Variants in KHDRBS2 observed in about 807,000 individuals in gnomAD.
KHDRBS2 encodes KH domain-containing, RNA-binding, signal transduction-associated protein 2.
KHDRBS2 carries 26 observed loss-of-function variants against 44.3 expected under a neutral mutation model. The observed-to-expected ratio is 0.59, with a 90% CI of 0.43 to 0.81. The LOEUF (loss-of-function observed/expected upper bound fraction) is 0.81, where lower values mean the gene tolerates loss of function less well. KHDRBS2 is among the 40% of genes least tolerant of loss of function. The pLI is 0.00. For missense variants in KHDRBS2, 476 were observed against 433.1 expected (o/e 1.10, Z -0.88); for synonymous variants, 194 against 151.1 (o/e 1.28, Z -2.08).
At chr6:62,061,216 A>C (rs1356646617) in intron 2 of KHDRBS2, among the ~76,000 whole-genome samples, 2 of 151,298 alleles carry the variant, frequency 1.3e-5, no homozygotes, top group African/African-American at 2.4e-5. Context: ...TCCTGTCATT[A>C]TGATGTTAGC....
At chr6:61,765,651 G>T (rs1938397) in intron 6 of KHDRBS2, among the ~76,000 whole-genome samples, 3 of 151,664 alleles carry the variant, frequency 2.0e-5, no homozygotes, top group African/African-American at 7.3e-5. Context: ...ATCATGTTGA[G>T]GTATGTTCCT....
At chr6:61,628,724 A>G in the KHDRBS2 span, among the ~76,000 whole-genome samples, 2 of 152,130 alleles carry the variant, frequency 1.3e-5, no homozygotes, top group Non-Finnish European at 2.9e-5. Context: ...TGTAGCACTT[A>G]TTGTATGCAT....
chr6:61,624,068 G>A, the KHDRBS2 span, among the ~76,000 whole-genome samples: 7 of 152,286 alleles, frequency 4.6e-5, no homozygotes, highest in African/African-American at 9.6e-5. Flanking sequence ...GGAGGTCTGG[G>A]GTAGAAGTAG....
rs375185565 is a variant in KHDRBS2 at position 61,917,409 on chromosome 6, A to G, written c.484-16038T>C. Among the ~76,000 whole-genome samples, 5 of 152,088 alleles carry G rather than the reference A, an allele frequency of 3.3e-5. 1 individual carries two copies. In the East Asian group the frequency reaches 9.6e-4, roughly 29 times the overall value. On this transcript the variant is annotated intron_variant, in intron 4 of 8. Transcript: ENST00000281156. Reference sequence around the variant, plus strand: ...AATTCCATCTGAAAGGTCACATACTATATGATTCAAAATATATGACATTCT... The same window carrying G: ...AATTCCATCTGAAAGGTCACATACTGTATGATTCAAAATATATGACATTCT...
chr6:62,131,876 T>G (rs1406661366), intron 2 of KHDRBS2, among the ~76,000 whole-genome samples: 2 of 152,204 alleles, frequency 1.3e-5, no homozygotes, highest in Non-Finnish European at 2.9e-5. Context: ...TATACTTTTT[T>G]TGTTGGGATG....
At chr6:61,556,622 G>T in the KHDRBS2 span, among the ~76,000 whole-genome samples, 11 of 151,838 alleles carry the variant, frequency 7.2e-5, no homozygotes, top group Non-Finnish European at 1.2e-4. Context: ...ACCTAATTCA[G>T]CTTACAGCAT....
intron 6 of KHDRBS2, among the ~76,000 whole-genome samples, chr6:61,838,796 C>T (rs943727002): frequency 3.9e-5 from 6 of 151,998 alleles, no homozygotes; most frequent in African/African-American, 1.4e-4. Flanking sequence ...TACTTGCTTA[C>T]CTTCAATTCA....
the KHDRBS2 span, among the ~76,000 whole-genome samples, chr6:61,645,823 C>A: frequency 1.3e-5 from 2 of 152,198 alleles, no homozygotes; most frequent in East Asian, 3.9e-4. Flanking sequence ...AAAAATATAA[C>A]CTTTAATAAC....
intron 5 of KHDRBS2, among the ~76,000 whole-genome samples, chr6:61,895,587 T>C (rs1802794368): frequency 1.3e-5 from 2 of 152,224 alleles, no homozygotes; most frequent in African/African-American, 4.8e-5. Flanking sequence ...TGATACAAAA[T>C]TGACTTGCAC....
chr6:61,968,389 A>G lies in KHDRBS2; in HGVS notation c.483+9677T>C, dbSNP rs76984519. Among the ~76,000 whole-genome samples the G allele has an allele frequency of 5.6e-3, 852 of 152,144 alleles. 10 individuals carry two copies. Among genetic ancestry groups the G allele is most frequent in the African/African-American group, 0.019 (781 of 41,550 alleles). ...TGTCACATACTCCTTGCCTATGTTT[A>G]AAACAACCGTGAAGTGATTTCACGA... On this transcript the variant is annotated intron_variant, in intron 4 of 8. Transcript: ENST00000281156.
At chr6:62,025,714 C>G (rs1783186566) in intron 3 of KHDRBS2, among the ~76,000 whole-genome samples, 1 of 151,862 alleles carries the variant, frequency 6.6e-6, no homozygotes, top group African/African-American at 2.4e-5. Context: ...TCTTAAGACT[C>G]TTAACTTTTA....
chr6:62,237,370 A>G (rs932816165), intron 1 of KHDRBS2, among the ~76,000 whole-genome samples: 1 of 152,170 alleles, frequency 6.6e-6, no homozygotes, highest in African/African-American at 2.4e-5. Flanking sequence ...AATAAGTCCA[A>G]CAACTACTCT....
intron 3 of KHDRBS2, among the ~76,000 whole-genome samples, chr6:62,033,276 C>A (rs886283288): frequency 6.6e-6 from 1 of 151,766 alleles, no homozygotes; most frequent in Non-Finnish European, 1.5e-5. Context: ...GTAGAGAAAG[C>A]GATAAGGGTA....
At chr6:62,026,776 T>C (rs919320418) in intron 3 of KHDRBS2, among the ~76,000 whole-genome samples, 1 of 152,074 alleles carries the variant, frequency 6.6e-6, no homozygotes, top group Non-Finnish European at 1.5e-5. Context: ...CATTATCTTT[T>C]CTTAAGCATA....
chr6:62,152,199 A>C (rs1357187638), intron 2 of KHDRBS2, among the ~76,000 whole-genome samples: 3 of 152,016 alleles, frequency 2.0e-5, no homozygotes, highest in Non-Finnish European at 4.4e-5. Flanking sequence ...CATGCCTGTA[A>C]TCCCAGCTTC....
chr6:62,165,741 C>T (rs1295116828), intron 2 of KHDRBS2, among the ~76,000 whole-genome samples: 1 of 151,772 alleles, frequency 6.6e-6, no homozygotes, highest in Non-Finnish European at 1.5e-5. Context: ...GTCTATATTA[C>T]CTAGGTTGGA....
the KHDRBS2 span, among the ~76,000 whole-genome samples, chr6:61,603,823 A>G: frequency 6.6e-6 from 1 of 152,072 alleles, no homozygotes. Context: ...ATTATTCCAG[A>G]TACCACACCT....
intron 6 of KHDRBS2, among the ~76,000 whole-genome samples, chr6:61,771,394 AT>A (rs1044360975): frequency 6.6e-6 from 1 of 152,208 alleles, no homozygotes; most frequent in African/African-American, 2.4e-5. Context: ...AGACTGGCAA[AT>A]TGGATAAAGA....
At chr6:61,777,694 G>A (rs1317642558) in intron 6 of KHDRBS2, among the ~76,000 whole-genome samples, 1 of 152,086 alleles carries the variant, frequency 6.6e-6, no homozygotes, top group African/African-American at 2.4e-5. Context: ...AATCTTAAAG[G>A]AAATACCTTC....
Sources: gnomAD v4.1 joint callset for allele counts (sites outside exome capture counted in the v4.1 genomes callset) on GRCh38, gnomAD v4.1.1 for gene constraint, MANE v1.5 for transcripts, NCBI Gene and HGNC (gene_info 2026-07-23, HGNC 2026-07-21) for gene names.